Variants in TSHZ2 observed in about 807,000 individuals in gnomAD.
The protein encoded by TSHZ2 is teashirt zinc finger homeobox 2, also known as teashirt homolog 2.
A neutral mutation model predicts 74.4 loss-of-function variants in TSHZ2; 21 were observed. The observed-to-expected ratio is 0.28, with a 90% CI of 0.20 to 0.41. The LOEUF (loss-of-function observed/expected upper bound fraction) is 0.41. Among genes scored for constraint, TSHZ2 ranks in the 10% least tolerant of loss-of-function variants. The pLI is 1.00. For synonymous variants in TSHZ2, 540 were observed against 515.3 expected, an observed-to-expected ratio of 1.05 and a Z score of -0.65; for missense variants, 1,244 against 1,293.5, an observed-to-expected ratio of 0.96 and a Z score of 0.59.
At chr20:53,442,902 T>C (rs992524414) in intron 2 of TSHZ2, among the ~76,000 whole-genome samples, 4 of 152,194 alleles carry the variant, frequency 2.6e-5, no homozygotes, top group East Asian at 1.9e-4. Context: ...TATTAAACCG[T>C]TTTTGAAGTA....
intron 1 of TSHZ2, among the ~76,000 whole-genome samples, chr20:53,149,462 AGAG>A (rs1987624218): frequency 6.6e-6 from 1 of 152,148 alleles, no homozygotes. Context: ...AGTGAGAGAA[AGAG>A]GGGGAGGAAA....
At chr20:53,392,737 A>C (rs73278236) in intron 2 of TSHZ2, among the ~76,000 whole-genome samples, 1 of 152,086 alleles carries the variant, frequency 6.6e-6, no homozygotes, top group Non-Finnish European at 1.5e-5. Context: ...TCTTTGGGGT[A>C]CCTATGCAGG....
In TSHZ2 at chr20:53,255,497, G is replaced by A; in HGVS notation, c.2039G>A (p.Cys680Tyr). The change falls in exon 2 of 3, where the codon TGC becomes TAC. Residue 680 changes from cysteine to tyrosine, a missense_variant. Cys to Tyr is a radical substitution (Grantham distance 194). This residue lies in a region of TSHZ2 where 562 missense variants were observed against 544.0 expected (regional missense o/e 1.03). Transcript: ENST00000371497. The surrounding 1 kb of genome is among the most constrained non-coding windows in gnomAD (Gnocchi z 4.1). ...CCCACATCTGCTCTGAGCAATGGGT[G>A]CGCCCTCGCCAACCACGCCCCGGCC... is the stretch of plus-strand genomic sequence containing the variant. ...LEPTSALSNG[C>Y]ALANHAPALP... The A allele has an allele frequency of 1.3e-6, 2 of 1,596,908 alleles. No individual in the cohort carries two copies. The highest frequency in any genetic ancestry group is 1.1e-5 in the South Asian group (1 of 88,860).
In TSHZ2 at chr20:53,180,496, G is replaced by T. The variant is rs552373006; in HGVS notation, c.41-73003G>T. ...TGCTGAAGTCCAGGGTGAGATACAG[G>T]TTTATGCAGAGATCACACCAGGGCA... On this transcript the variant is annotated intron_variant, in intron 1 of 2. Transcript: ENST00000371497. 2.2e-4 allele frequency among the ~76,000 whole-genome samples: 33 copies of T among 152,270 alleles called. 2 individuals are homozygous for T. Among genetic ancestry groups the T allele is most frequent in the Admixed American group, 2.2e-3 (33 of 15,300 alleles).
intron 1 of TSHZ2, among the ~76,000 whole-genome samples, chr20:53,035,075 G>A (rs143070434): frequency 1.3e-4 from 20 of 152,304 alleles, no homozygotes; most frequent in South Asian, 2.1e-4. Context: ...GACTTAGGAC[G>A]TGGTTTGCAG....
At chr20:53,148,837 T>TG (rs1987606797) in intron 1 of TSHZ2, among the ~76,000 whole-genome samples, 1 of 152,142 alleles carries the variant, frequency 6.6e-6, no homozygotes, top group South Asian at 2.1e-4. Context: ...CAGTGTAAAA[T>TG]GGGGTAATTT....
At chr20:53,189,967 C>T (rs1041784186) in intron 1 of TSHZ2, among the ~76,000 whole-genome samples, 1 of 148,806 alleles carries the variant, frequency 6.7e-6, no homozygotes, top group African/African-American at 2.5e-5. Flanking sequence ...GCTTGTAGTG[C>T]CAGCTACTCA....
chr20:52,976,458 A>C (rs1376911617), intron 1 of TSHZ2, among the ~76,000 whole-genome samples: 4 of 152,254 alleles, frequency 2.6e-5, no homozygotes, highest in Non-Finnish European at 5.9e-5. Flanking sequence ...TCACCATTAA[A>C]ATACATCCAC....
intron 2 of TSHZ2, among the ~76,000 whole-genome samples, chr20:53,326,232 T>TTTTA (rs1398131621): frequency 6.6e-6 from 1 of 152,238 alleles, no homozygotes; most frequent in African/African-American, 2.4e-5. Flanking sequence ...AGAGGAACAA[T>TTTTA]GACTTTTGTC....
At chr20:53,061,435 G>A (rs1056050825) in intron 1 of TSHZ2, among the ~76,000 whole-genome samples, 1 of 152,126 alleles carries the variant, frequency 6.6e-6, no homozygotes, top group Non-Finnish European at 1.5e-5. Flanking sequence ...AGGATCATAA[G>A]AGATGAAAAG....
intron 1 of TSHZ2, among the ~76,000 whole-genome samples, chr20:52,994,471 T>TGGATGGAC (rs1397242639): frequency 6.6e-6 from 1 of 151,986 alleles, no homozygotes; most frequent in African/African-American, 2.4e-5. Context: ...GATGGATGGA[T>TGGATGGAC]GAATAAATGA....
rs1336386834 is a variant in TSHZ2 at position 53,394,793 on chromosome 20, T to C, written c.*9-92351T>C. Among the ~76,000 whole-genome samples, 6 of 140,840 alleles carry C rather than the reference T, an allele frequency of 4.3e-5. 1 individual carries two copies. Among genetic ancestry groups the C allele is most frequent in the African/African-American group, 1.7e-4 (6 of 35,234 alleles). The allele number at this position is 140,840 out of a possible 152,430, so 92.4% of individuals were successfully genotyped here. ...AAAAAAAAAAAAACTGTTCTTCAAT[T>C]GCCTTTACCTATCTGATTCTCTCAA... is the stretch of plus-strand genomic sequence containing the variant. On this transcript the variant is annotated intron_variant, in intron 2 of 2. Transcript: ENST00000371497.
intron 1 of TSHZ2, among the ~76,000 whole-genome samples, chr20:52,979,688 G>T (rs530011048): frequency 6.6e-6 from 1 of 152,088 alleles, no homozygotes; most frequent in Non-Finnish European, 1.5e-5. Flanking sequence ...AATTTTTTAC[G>T]TTTCCCCTGT....
At chr20:53,406,256 C>T (rs920024734) in intron 2 of TSHZ2, among the ~76,000 whole-genome samples, 14 of 152,018 alleles carry the variant, frequency 9.2e-5, no homozygotes, top group Admixed American at 5.2e-4. Context: ...ACAAAGATGG[C>T]GGTAAAAAGA....
chr20:53,153,395 G>A (rs1362728689), intron 1 of TSHZ2, among the ~76,000 whole-genome samples: 1 of 152,112 alleles, frequency 6.6e-6, no homozygotes, highest in Admixed American at 6.5e-5. Flanking sequence ...TCTCCTGCTT[G>A]GTCAAGGCTG....
intron 2 of TSHZ2, among the ~76,000 whole-genome samples, chr20:53,353,218 C>G (rs899118934): frequency 6.6e-6 from 1 of 152,102 alleles, no homozygotes; most frequent in African/African-American, 2.4e-5. Flanking sequence ...TGGAAGATTT[C>G]CCCTGAGGCT....
chr20:53,411,392 T>A (rs1323129089), intron 2 of TSHZ2, among the ~76,000 whole-genome samples: 1 of 152,198 alleles, frequency 6.6e-6, no homozygotes, highest in Non-Finnish European at 1.5e-5. Context: ...TGTCTTGGCC[T>A]GGGGCAATTA....
chr20:52,973,955 T>C (rs537923896), intron 1 of TSHZ2, among the ~76,000 whole-genome samples: 1 of 152,250 alleles, frequency 6.6e-6, no homozygotes, highest in South Asian at 2.1e-4. Flanking sequence ...CCAAAAAGGG[T>C]TGTAGGGGGG....
chr20:53,189,743 TAGAA>T (rs906654414), intron 1 of TSHZ2, among the ~76,000 whole-genome samples: 11 of 152,192 alleles, frequency 7.2e-5, no homozygotes, highest in African/African-American at 2.6e-4. Context: ...AAATGAGTGA[TAGAA>T]AGGAAAGTAC....
Sources: gnomAD v4.1 joint callset for allele counts (sites outside exome capture counted in the v4.1 genomes callset) on GRCh38, gnomAD v4.1.1 for gene constraint, gnomAD v4.1.1 regional missense constraint, Gnocchi (gnomAD v3.1) non-coding constraint, MANE v1.5 for transcripts, NCBI Gene and HGNC (gene_info 2026-07-23, HGNC 2026-07-21) for gene names.